PLD5: variants seen among roughly 807,000 people sequenced by gnomAD.
PLD5 encodes the protein inactive phospholipase D5.
A neutral mutation model predicts 61.1 loss-of-function variants in PLD5; 36 were observed. The ratio of observed to expected loss-of-function variants is 0.59; its 90% CI spans 0.45 to 0.78. The LOEUF is 0.78. PLD5 is among the 30% of genes least tolerant of loss of function. The pLI is 0.00. For synonymous variants in PLD5, 243 were observed against 242.8 expected (o/e 1.00, Z -0.01); for missense variants, 515 against 644.4 (o/e 0.80, Z 2.17).
At chr1:242,361,696 T>C (rs1049442387) in intron 1 of PLD5, among the ~76,000 whole-genome samples, 3 of 152,228 alleles carry the variant, frequency 2.0e-5, no homozygotes, top group Non-Finnish European at 4.4e-5. Context: ...CATGTTAACA[T>C]TCAAAATATT....
intron 1 of PLD5, among the ~76,000 whole-genome samples, chr1:242,370,034 C>T (rs1811423): frequency 0.037 from 5,632 of 152,134 alleles, 245 homozygotes; most frequent in African/African-American, 0.1. Context: ...ACACTGGTGA[C>T]TCAGTTGTGT....
intron 1 of PLD5, among the ~76,000 whole-genome samples, chr1:242,498,198 C>G (rs755170402): frequency 6.6e-6 from 1 of 152,156 alleles, no homozygotes; most frequent in South Asian, 2.1e-4. Context: ...CTCCTGACCT[C>G]GTGATCCGCC....
chr1:242,405,429 C>T (rs1457836776), intron 1 of PLD5, among the ~76,000 whole-genome samples: 1 of 152,092 alleles, frequency 6.6e-6, no homozygotes, highest in Non-Finnish European at 1.5e-5. Context: ...CACAGGATAG[C>T]ACCCAGGACA....
At chr1:242,184,179 C>A (rs1667723439) in intron 5 of PLD5, among the ~76,000 whole-genome samples, 1 of 152,126 alleles carries the variant, frequency 6.6e-6, no homozygotes, top group Admixed American at 6.6e-5. Flanking sequence ...ACAGCAAACA[C>A]CAAAATCCTA....
chr1:242,108,747 G>A (rs918686648), intron 7 of PLD5, among the ~76,000 whole-genome samples: 1 of 152,188 alleles, frequency 6.6e-6, no homozygotes, highest in Non-Finnish European at 1.5e-5. Context: ...GGCCAATTCA[G>A]TATTTGAACT....
intron 4 of PLD5, among the ~76,000 whole-genome samples, chr1:242,255,569 C>T (rs1010408072): frequency 6.6e-6 from 1 of 152,172 alleles, no homozygotes; most frequent in Non-Finnish European, 1.5e-5. Flanking sequence ...GCACGTTGTG[C>T]ACATGTACCC....
At chr1:242,242,206 G>A (rs1251490882) in intron 4 of PLD5, among the ~76,000 whole-genome samples, 1 of 152,048 alleles carries the variant, frequency 6.6e-6, no homozygotes, top group Non-Finnish European at 1.5e-5. Flanking sequence ...TGATGAATGA[G>A]TAACTTGCGC....
intron 3 of PLD5, among the ~76,000 whole-genome samples, chr1:242,287,328 A>G (rs1362902293): frequency 1.3e-5 from 2 of 152,198 alleles, no homozygotes; most frequent in Non-Finnish European, 2.9e-5. Context: ...GAACAAATAG[A>G]TACTATTTCT....
intron 6 of PLD5, among the ~76,000 whole-genome samples, chr1:242,123,566 A>G (rs1662548942): frequency 6.6e-6 from 1 of 152,176 alleles, no homozygotes. Flanking sequence ...CTGCCAGTTC[A>G]TTCCACTTGC....
At position 242,100,783 on chromosome 1, in the gene PLD5, C is replaced by T. The variant is rs772426028; in HGVS notation, c.1240-1G>A. ...TCTCTCTTTCCAGATCAAAAAATTT[C>T]TGTAAGAAAAAAAAAAAGGGGGCAG... is the stretch of plus-strand genomic sequence containing the variant. On this transcript the variant is annotated splice_acceptor_variant, in intron 8 of 9. Transcript: ENST00000536534. LOFTEE classifies it high-confidence loss of function. 6.3e-7 allele frequency: 1 copy of T among 1,591,364 alleles called. No homozygotes were observed.
At chr1:242,433,437 T>A (rs1665828618) in intron 1 of PLD5, among the ~76,000 whole-genome samples, 1 of 152,226 alleles carries the variant, frequency 6.6e-6, no homozygotes, top group East Asian at 1.9e-4. Flanking sequence ...GCTGGCTCCC[T>A]TTTTATGCAA....
intron 1 of PLD5, among the ~76,000 whole-genome samples, chr1:242,458,700 A>C (rs954807477): frequency 2.0e-5 from 3 of 152,252 alleles, no homozygotes; most frequent in Non-Finnish European, 4.4e-5. Context: ...GGAAAGATGC[A>C]TATTAGTTCA....
At chr1:242,242,974 A>C (rs1281225225) in intron 4 of PLD5, among the ~76,000 whole-genome samples, 2 of 152,158 alleles carry the variant, frequency 1.3e-5, no homozygotes, top group Non-Finnish European at 2.9e-5. Flanking sequence ...GCCTCTGAAA[A>C]ACTCATTCCC....
In PLD5 at chr1:242,182,919, G is replaced by T. The variant is rs141469050; in HGVS notation, c.735+37069C>A. ...CATCTAAAGAAAAGGAATGGTGGAG[G>T]TTTGAGTTCATGTTACTGTAACTTA... is the stretch of plus-strand genomic sequence containing the variant. On this transcript the variant is annotated intron_variant, in intron 5 of 9. Coordinates refer to ENST00000536534, the MANE Select transcript of PLD5 (RefSeq NM_001372062.1). Among the ~76,000 whole-genome samples the T allele has an allele frequency of 5.5e-3, 835 of 152,278 alleles. 6 individuals are homozygous for T. Among genetic ancestry groups the T allele is most frequent in the African/African-American group, 0.02 (819 of 41,570 alleles).
At position 242,348,141 on chromosome 1, in the gene PLD5, A is replaced by T; in HGVS notation, c.291T>A (p.Asp97Glu). 1 of 1,613,782 alleles carries T rather than the reference A, an allele frequency of 6.2e-7. No individual in the cohort carries two copies. Among genetic ancestry groups the T allele is most frequent in the Non-Finnish European group, 8.5e-7 (1 of 1,179,848 alleles). ...TTTGGCAATTTTTTTCTGAGAGTCCATCCTCATCCTCTCCCATGATGTCCA... is the reference window on the plus strand; with the variant it reads ...TTTGGCAATTTTTTTCTGAGAGTCCTTCCTCATCCTCTCCCATGATGTCCA... ...SAVDIMGEDEDGLSEKNCQNK... is the reference protein window; with the variant it reads ...SAVDIMGEDEEGLSEKNCQNK... The change falls in exon 2 of 10, where the codon GAT (aspartate) becomes GAA (glutamate). Residue 97 changes from aspartate to glutamate, a missense_variant. Physicochemically the swap from Asp to Glu is conservative, Grantham distance 45. Around this residue, in one of 2 missense-constraint regions of PLD5, gnomAD observed 450 missense variants for 598.1 expected, o/e 0.75. Transcript: ENST00000536534.
intron 1 of PLD5, among the ~76,000 whole-genome samples, chr1:242,375,982 T>C (rs1478863318): frequency 6.6e-6 from 1 of 152,346 alleles, no homozygotes; most frequent in African/African-American, 2.4e-5. Flanking sequence ...GATTTTTTTC[T>C]GTCAAGAGCC....
At chr1:242,238,835 G>C (rs1671810744) in intron 4 of PLD5, among the ~76,000 whole-genome samples, 1 of 152,162 alleles carries the variant, frequency 6.6e-6, no homozygotes, top group South Asian at 2.1e-4. Flanking sequence ...AGGGACCTCA[G>C]GGAGAGTGGT....
intron 1 of PLD5, among the ~76,000 whole-genome samples, chr1:242,399,332 T>A (rs768672507): frequency 4.6e-5 from 7 of 152,304 alleles, no homozygotes; most frequent in Non-Finnish European, 7.3e-5. Flanking sequence ...ATCTCATGCA[T>A]TCAACATAAA....
intron 5 of PLD5, among the ~76,000 whole-genome samples, chr1:242,200,076 A>T (rs1050944994): frequency 1.3e-5 from 2 of 152,140 alleles, no homozygotes; most frequent in African/African-American, 4.8e-5. Flanking sequence ...ATGTTTAAGC[A>T]CATTTCTTTT....
Sources: gnomAD v4.1 joint callset for allele counts (sites outside exome capture counted in the v4.1 genomes callset) on GRCh38, gnomAD v4.1.1 for gene constraint, gnomAD v4.1.1 regional missense constraint, MANE v1.5 for transcripts, NCBI Gene and HGNC (gene_info 2026-07-23, HGNC 2026-07-21) for gene names.